C11orf52: variants seen among roughly 807,000 people sequenced by gnomAD.
C11orf52 encodes the protein uncharacterized protein C11orf52.
C11orf52 carries 9 observed loss-of-function variants against 11.7 expected under a neutral mutation model. That is an observed-to-expected ratio of 0.77 (90% CI 0.46 to 1.34). C11orf52 has a LOEUF of 1.34. C11orf52 is among the 40% of genes most tolerant of loss of function. The probability of loss-of-function intolerance (pLI) is 0.00; values close to 1 mark genes in which losing one functional copy is unlikely to be tolerated. For missense variants in C11orf52, 139 were observed against 154.8 expected, an observed-to-expected ratio of 0.90 and a Z score of 0.54; for synonymous variants, 49 against 57.4, an observed-to-expected ratio of 0.85 and a Z score of 0.66.
intron 1 of C11orf52, among the ~76,000 whole-genome samples, chr11:111,922,981 C>A (rs1965724530): frequency 6.6e-6 from 1 of 152,164 alleles, no homozygotes; most frequent in South Asian, 2.1e-4. Flanking sequence ...ATACTCACTC[C>A]ATTTGGGTTG....
At chr11:111,924,468 TA>T in intron 2 of C11orf52, 105 bp downstream of exon 2, 1 of 1,009,116 alleles carries the variant, frequency 9.9e-7, no homozygotes. Flanking sequence ...AATGAAAGGA[TA>T]AAGGGAGACA....
rs782694479 is a variant in C11orf52, at chr11:111,924,364, G to A, written c.70+1G>A. The A allele has an allele frequency of 6.2e-7, 1 of 1,612,544 alleles. No individual in the cohort carries two copies. Among genetic ancestry groups the A allele is most frequent in the Non-Finnish European group, 8.5e-7 (1 of 1,179,128 alleles). The stretch of plus-strand genomic sequence containing the variant: ...ACTTTCCAGAAGAAAAAGAAAACAG[G>A]TAACTTTGGGGCTGGGGGAGGGAAT... On this transcript the variant is annotated splice_donor_variant, in intron 2 of 3. Transcript: ENST00000278601. LOFTEE classifies it high-confidence loss of function.
rs1965799650 is a variant in C11orf52 at position 111,926,048 on chromosome 11, G to A, written c.221G>A (p.Ser74Asn). ...ERSPGLMSED[S>N]NLHYADIQVC... ...AGTCCAGGCCTCATGTCGGAAGACAGCAACTTACATTATGCTGACATTCAA... is the reference window on the plus strand; with the variant it reads ...AGTCCAGGCCTCATGTCGGAAGACAACAACTTACATTATGCTGACATTCAA... The change falls in exon 4 of 4, where the codon AGC becomes AAC. Residue 74 changes from serine to asparagine, a missense_variant. By Grantham distance (46) the Ser-to-Asn change is conservative. Coordinates refer to ENST00000278601, the MANE Select transcript of C11orf52 (RefSeq NM_080659.3). 5 of 1,614,264 alleles carry A rather than the reference G, an allele frequency of 3.1e-6. No individual in the cohort carries two copies. The highest frequency in any genetic ancestry group is 4.2e-6 in the Non-Finnish European group (5 of 1,180,044).
chr11:111,924,191 C>A, intron 1 of C11orf52, 135 bp from the exon 2 acceptor site: 1 of 812,824 alleles, frequency 1.2e-6, no homozygotes, highest in Non-Finnish European at 2.0e-6. Context: ...CTGAACCTGG[C>A]TCAGGGTGAA....
intron 1 of C11orf52, among the ~76,000 whole-genome samples, chr11:111,922,040 C>T (rs1460214586): frequency 6.6e-6 from 1 of 152,218 alleles, no homozygotes; most frequent in Admixed American, 6.5e-5. Flanking sequence ...ACCTGTTGGC[C>T]AGGCTGGTCT....
chr11:111,925,634 T>A lies in C11orf52; in HGVS notation c.71-19T>A. 6.2e-7 allele frequency: 1 copy of A among 1,613,550 alleles called. No individual in the cohort carries two copies. Among genetic ancestry groups the A allele is most frequent in the Non-Finnish European group, 8.5e-7 (1 of 1,179,446 alleles). On this transcript the variant is annotated intron_variant, in intron 2 of 3. Transcript: ENST00000278601. ...ACAGGGAAGAGAGAATAAACTTAAG[T>A]TGGATTTCTTCCCCTCAGGAAGCCA...
chr11:111,924,405 T>G, intron 2 of C11orf52, 42 bp downstream of exon 2: 1 of 1,546,542 alleles, frequency 6.5e-7, no homozygotes, highest in Non-Finnish European at 8.9e-7. Flanking sequence ...GGAGGCAAAT[T>G]AGAGAAGACA....
intron 1 of C11orf52, among the ~76,000 whole-genome samples, chr11:111,922,126 C>T (rs1965710600): frequency 6.6e-6 from 1 of 152,214 alleles, no homozygotes; most frequent in Non-Finnish European, 1.5e-5. Context: ...GCCACCGCAC[C>T]TGGCCTATCA....
intron 1 of C11orf52, 166 bp downstream of exon 1, chr11:111,919,170 G>GGT: frequency 1.3e-6 from 1 of 776,090 alleles, no homozygotes; most frequent in Non-Finnish European, 2.1e-6. Context: ...CCTTTCAGGA[G>GGT]GCCTTAGAAG....
At chr11:111,919,095 G>A in intron 1 of C11orf52, 91 bp downstream of exon 1, 2 of 1,451,054 alleles carry the variant, frequency 1.4e-6, no homozygotes, top group South Asian at 1.2e-5. Context: ...ATAGTTGTCT[G>A]CCAGCCTCCC....
chr11:111,919,991 C>T (rs782469448), intron 1 of C11orf52, among the ~76,000 whole-genome samples: 3 of 151,612 alleles, frequency 2.0e-5, no homozygotes, highest in Non-Finnish European at 4.4e-5. Flanking sequence ...GTCAGGAGAT[C>T]GAGACCATCC....
chr11:111,918,951 G>T lies in C11orf52; in HGVS notation c.-22G>T, dbSNP rs587640629. The T allele has an allele frequency of 4.3e-6, 7 of 1,614,150 alleles. No individual in the cohort carries two copies. The South Asian group carries it at 7.7e-5, about 18-fold the overall frequency. The stretch of plus-strand genomic sequence containing the variant: ...CCTCTTGATGCATAAAAACAGCTGG[G>T]CTCCCTTGGAGACAGAGCGCCATGG... On this transcript the variant is annotated 5_prime_UTR_variant, in exon 1 of 4. Transcript: ENST00000278601.
rs372077620 is a variant in C11orf52 at position 111,920,011 on chromosome 11, C to T, written c.32+1007C>T. Among the ~76,000 whole-genome samples, 4 of 151,774 alleles carry T rather than the reference C, an allele frequency of 2.6e-5. No individual in the cohort carries two copies. In the East Asian group the frequency reaches 5.9e-4, roughly 22 times the overall value. On this transcript the variant is annotated intron_variant, in intron 1 of 3. Coordinates refer to ENST00000278601, the MANE Select transcript of C11orf52 (RefSeq NM_080659.3). ...GAGATCGAGACCATCCTGGCTAACA[C>T]GGTGAAACCCCATCTCTACTGAAAA...
chr11:111,924,057 C>G (rs1965744858), intron 1 of C11orf52, among the ~76,000 whole-genome samples: 1 of 152,210 alleles, frequency 6.6e-6, no homozygotes, highest in Admixed American at 6.5e-5. Context: ...CAGATACATC[C>G]CTGGCATGTA....
chr11:111,924,592 C>G (rs1207767191), intron 2 of C11orf52, among the ~76,000 whole-genome samples: 1 of 152,168 alleles, frequency 6.6e-6, no homozygotes, highest in Non-Finnish European at 1.5e-5. Flanking sequence ...TTTCATTCAT[C>G]TAGCAAATAT....
At chr11:111,919,032 A>G in intron 1 of C11orf52, 28 bp downstream of exon 1, 1 of 1,613,928 alleles carries the variant, frequency 6.2e-7, no homozygotes, top group Non-Finnish European at 8.5e-7. Context: ...GCAAAGGGGA[A>G]CATCTATCTC....
chr11:111,922,493 A>G (rs587672107), intron 1 of C11orf52, among the ~76,000 whole-genome samples: 2 of 152,348 alleles, frequency 1.3e-5, no homozygotes, highest in South Asian at 4.1e-4. Flanking sequence ...AAGCACCATA[A>G]ATAAAGCACC....
intron 1 of C11orf52, among the ~76,000 whole-genome samples, chr11:111,921,926 AG>A (rs1334173876): frequency 6.6e-6 from 1 of 151,852 alleles, no homozygotes; most frequent in Non-Finnish European, 1.5e-5. Flanking sequence ...TTAGCCTCCC[AG>A]GTGTAAGCGA....
intron 1 of C11orf52, among the ~76,000 whole-genome samples, chr11:111,921,345 C>G (rs1337517846): frequency 1.3e-5 from 2 of 152,038 alleles, no homozygotes; most frequent in African/African-American, 4.8e-5. Context: ...TAAGAAATAC[C>G]CTGAAGGTCC....
Sources: gnomAD v4.1 joint callset for allele counts (sites outside exome capture counted in the v4.1 genomes callset) on GRCh38, gnomAD v4.1.1 for gene constraint, MANE v1.5 for transcripts, NCBI Gene and HGNC (gene_info 2026-07-23, HGNC 2026-07-21) for gene names.